DGLUCY: variants seen among roughly 807,000 people sequenced by gnomAD.
DGLUCY encodes the protein D-glutamate cyclase, mitochondrial.
A neutral mutation model predicts 58.5 loss-of-function variants in DGLUCY; 58 were observed. That is an observed-to-expected ratio of 0.99 (90% confidence interval 0.80 to 1.23). The LOEUF (loss-of-function observed/expected upper bound fraction) is 1.23. DGLUCY is among the 50% of genes most tolerant of loss of function. The pLI is 0.00. For synonymous variants in DGLUCY, 325 were observed against 314.1 expected, an observed-to-expected ratio of 1.03 and a Z score of -0.37; for missense variants, 779 against 784.7, an observed-to-expected ratio of 0.99 and a Z score of 0.09.
chr14:91,133,022 G>T (rs1443013026), intron 1 of DGLUCY, among the ~76,000 whole-genome samples: 1 of 151,636 alleles, frequency 6.6e-6, no homozygotes, highest in Non-Finnish European at 1.5e-5. Flanking sequence ...GGCTGGGCGC[G>T]GTAGCTCACG....
At chr14:91,170,324 T>C in intron 5 of DGLUCY, 123 bp downstream of exon 5, 1 of 1,091,402 alleles carries the variant, frequency 9.2e-7, no homozygotes, top group Non-Finnish European at 1.3e-6. Context: ...CAGCCCCAGC[T>C]CAGCCATTTC....
At chr14:91,179,943 G>A (rs1468538752) in intron 7 of DGLUCY, among the ~76,000 whole-genome samples, 1 of 125,770 alleles carries the variant, frequency 8.0e-6, no homozygotes, top group Non-Finnish European at 1.6e-5. Flanking sequence ...CTAGGCTGGA[G>A]TGCAGTGACG....
chr14:91,219,105 G>A (rs528973601), intron 13 of DGLUCY, among the ~76,000 whole-genome samples: 5 of 152,048 alleles, frequency 3.3e-5, no homozygotes, highest in South Asian at 4.2e-4. Context: ...ACTTAAACTC[G>A]GGAGGCGGAG....
At chr14:91,161,312 C>T (rs752033531) in intron 3 of DGLUCY, among the ~76,000 whole-genome samples, 5 of 152,210 alleles carry the variant, frequency 3.3e-5, no homozygotes, top group African/African-American at 7.2e-5. Flanking sequence ...CCTCGTGATC[C>T]GCTCACCTTG....
At chr14:91,150,829 C>T (rs749560965) in intron 1 of DGLUCY, among the ~76,000 whole-genome samples, 4 of 152,132 alleles carry the variant, frequency 2.6e-5, no homozygotes, top group African/African-American at 7.2e-5. Flanking sequence ...CCATTTTAAT[C>T]ATTTTTAAGT....
chr14:91,188,934 T>C lies in DGLUCY; in HGVS notation c.959T>C (p.Leu320Pro), dbSNP rs2049694841. The change falls in exon 9 of 14, where the codon CTC becomes CCC. Residue 320 changes from leucine (L) to proline (P), a missense_variant. Physicochemically the swap from Leu to Pro is moderately conservative, Grantham distance 98. Transcript: ENST00000256324. ...GGGAACCGGGGGATTGGGCACCTGC[T>C]CTGTAAAGATGAGCTGCTGAAGGCC... The part of the protein sequence containing the change: ...DPGNRGIGHL[L>P]CKDELLKASL... 1 of 1,614,188 alleles carries C rather than the reference T, an allele frequency of 6.2e-7. No homozygotes were observed. Among genetic ancestry groups the C allele is most frequent in the Non-Finnish European group, 8.5e-7 (1 of 1,180,032 alleles).
At chr14:91,106,167 G>A (rs1010320988), upstream of DGLUCY, among the ~76,000 whole-genome samples, 18 of 151,940 alleles carry the variant, frequency 1.2e-4, no homozygotes, top group African/African-American at 3.9e-4. Context: ...AATTAGCCCG[G>A]CATGGTGACG....
At chr14:91,147,541 T>G (rs1300912579) in intron 1 of DGLUCY, among the ~76,000 whole-genome samples, 1 of 152,212 alleles carries the variant, frequency 6.6e-6, no homozygotes, top group Non-Finnish European at 1.5e-5. Context: ...GCAAGGCTGT[T>G]GATAGATGAA....
intron 1 of DGLUCY, among the ~76,000 whole-genome samples, chr14:91,134,999 A>T (rs2046244113): frequency 6.6e-6 from 1 of 151,764 alleles, no homozygotes; most frequent in Admixed American, 6.6e-5. Context: ...ATCTCTGCTC[A>T]TTGCAACCTC....
In DGLUCY at chr14:91,198,495, C is replaced by T. The variant is rs140752712; in HGVS notation, c.1296-1262C>T. Among the ~76,000 whole-genome samples, 277 of 151,870 alleles carry T rather than the reference C, an allele frequency of 1.8e-3. 3 individuals are homozygous for T. The highest frequency in any genetic ancestry group is 5.6e-3 in the African/African-American group (230 of 41,376). ...AAGCATAGCTGGGACTACAGGCACT[C>T]GCCACCACACCTGGCTAATTTCTGT... On this transcript the variant is annotated intron_variant, in intron 10 of 13. Coordinates refer to ENST00000256324, the MANE Select transcript of DGLUCY (RefSeq NM_001102368.3).
Position 91,215,436 on chromosome 14 carries a change from C to T in DGLUCY, c.1596C>T (p.Ala532=). Residue 532 remains alanine, a synonymous_variant, in exon 13 of 14, where the codon GCC becomes GCT. Coordinates refer to ENST00000256324, the MANE Select transcript of DGLUCY (RefSeq NM_001102368.3). ...GVSNWGGYAL[A]CALYILYSCA... ...CTAACTGGGGAGGCTATGCCCTGGC[C>T]TGCGCACTCTACATCCTGTACTCAT... 6.2e-7 allele frequency: 1 copy of T among 1,613,796 alleles called. No individual in the cohort carries two copies. Among genetic ancestry groups the T allele is most frequent in the Non-Finnish European group, 8.5e-7 (1 of 1,179,746 alleles).
intron 12 of DGLUCY, among the ~76,000 whole-genome samples, chr14:91,206,234 G>A (rs1237062655): frequency 6.6e-6 from 1 of 151,988 alleles, no homozygotes; most frequent in African/African-American, 2.4e-5. Flanking sequence ...CACGTAAGGG[G>A]GAGAGGACAA....
intron 7 of DGLUCY, among the ~76,000 whole-genome samples, chr14:91,180,065 T>A (rs1301930012): frequency 6.6e-6 from 1 of 150,858 alleles, no homozygotes; most frequent in Non-Finnish European, 1.5e-5. Context: ...AATTTTTGTA[T>A]TTTTAATAGA....
intron 8 of DGLUCY, among the ~76,000 whole-genome samples, chr14:91,182,479 G>T (rs2049242354): frequency 6.6e-6 from 1 of 151,968 alleles, no homozygotes; most frequent in South Asian, 2.1e-4. Context: ...ATTTAGAGAT[G>T]GGGGCGTGGT....
intron 12 of DGLUCY, among the ~76,000 whole-genome samples, chr14:91,212,412 G>A (rs1055015791): frequency 2.0e-5 from 3 of 152,338 alleles, no homozygotes; most frequent in South Asian, 2.1e-4. Flanking sequence ...TTCAAATGGA[G>A]ATAATAATAG....
rs543323125 is a variant in DGLUCY at position 91,155,797 on chromosome 14, C to CAAA, written c.-81-1828_-81-1826dup. Among the ~76,000 whole-genome samples the CAAA allele has an allele frequency of 1.0e-3, 99 of 96,494 alleles. 1 individual carries two copies. The highest frequency in any genetic ancestry group is 1.6e-3 in the Non-Finnish European group (73 of 46,478). 63.3% of individuals were successfully genotyped at this position (96,494 alleles called of 152,430 possible). A position where few individuals can be genotyped will look rare whatever the true frequency, so the allele number is the denominator to read the frequency against. ...GGGCAAGAGAGCAAGACCCTGTTTCCAAAAAAAAAAAAAAAAGGACAGAAA... is the reference window on the plus strand; with the variant it reads ...GGGCAAGAGAGCAAGACCCTGTTTCCAAAAAAAAAAAAAAAAAAAGGACAGAAA... On this transcript the variant is annotated intron_variant, in intron 1 of 13. Transcript: ENST00000256324.
rs755659930 is a variant in DGLUCY at position 91,199,898 on chromosome 14, A to C, written c.1437A>C (p.Ser479=). The C allele has an allele frequency of 6.2e-7, 1 of 1,614,168 alleles. No homozygotes were observed. The highest frequency in any genetic ancestry group is 8.5e-7 in the Non-Finnish European group (1 of 1,180,006). The change falls in exon 11 of 14, where the codon TCA becomes TCC. Residue 479 remains serine (S), a synonymous_variant. Transcript: ENST00000256324. ...FLAAKKIPGI[S]STGVGDGGNE... is the part of the protein sequence containing the mutation. ...CTGCGAAGAAGATTCCTGGAATCTC[A>C]TCAACTGGTAAGTATGGAGTACTGG... is the stretch of plus-strand genomic sequence containing the variant.
At position 91,132,918 on chromosome 14, in the gene DGLUCY, G is replaced by A. The variant is rs1452691812; in HGVS notation, c.-82+18635G>A. Among the ~76,000 whole-genome samples the A allele has an allele frequency of 2.0e-5, 3 of 151,996 alleles. No individual in the cohort carries two copies. In the East Asian group the frequency reaches 5.8e-4, roughly 29 times the overall value. ...ATATCAGTGGAATCATATAATATTA[G>A]TCCTTTTGTGTCTAGTTTCTTTTAC... On this transcript the variant is annotated intron_variant, in intron 1 of 13. Transcript: ENST00000256324.
upstream of DGLUCY, among the ~76,000 whole-genome samples, chr14:91,106,100 G>A (rs183366079): frequency 6.6e-6 from 1 of 152,150 alleles, no homozygotes; most frequent in East Asian, 1.9e-4. Flanking sequence ...CTGAGGTCAG[G>A]AGTTTGAGAC....
Sources: gnomAD v4.1 joint callset for allele counts (sites outside exome capture counted in the v4.1 genomes callset) on GRCh38, gnomAD v4.1.1 for gene constraint, MANE v1.5 for transcripts, NCBI Gene and HGNC (gene_info 2026-07-23, HGNC 2026-07-21) for gene names.